Variants in SLC44A5 observed in about 807,000 individuals in gnomAD.
The protein encoded by SLC44A5 is choline transporter-like protein 5.
SLC44A5 carries 57 observed loss-of-function variants against 101.8 expected under a neutral mutation model. The ratio of observed to expected loss-of-function variants is 0.56; its 90% CI spans 0.45 to 0.70. The LOEUF is 0.70. Among genes scored for constraint, SLC44A5 ranks in the 30% least tolerant of loss-of-function variants. SLC44A5 has a pLI of 0.00. For missense variants in SLC44A5, 737 were observed against 853.1 expected (o/e 0.86, Z 1.70); for synonymous variants, 281 against 290.9 (o/e 0.97, Z 0.35).
At chr1:75,630,208 T>C in the SLC44A5 span, among the ~76,000 whole-genome samples, 3 of 152,172 alleles carry the variant, frequency 2.0e-5, no homozygotes, top group East Asian at 5.8e-4. Flanking sequence ...GGTGCCTTTG[T>C]GGGTTTCTCA....
At chr1:75,393,316 A>G (rs985359269) in intron 3 of SLC44A5, among the ~76,000 whole-genome samples, 1 of 152,208 alleles carries the variant, frequency 6.6e-6, no homozygotes, top group Non-Finnish European at 1.5e-5. Context: ...TTATTATGAA[A>G]CAAGTATTGA....
At chr1:75,226,538 T>C (rs1173618912) in intron 13 of SLC44A5, among the ~76,000 whole-genome samples, 1 of 152,110 alleles carries the variant, frequency 6.6e-6, no homozygotes, top group Non-Finnish European at 1.5e-5. Flanking sequence ...AGCTTGTCCT[T>C]GAAAGCCTGA....
intron 6 of SLC44A5, among the ~76,000 whole-genome samples, chr1:75,256,527 G>T (rs1018454470): frequency 6.6e-6 from 1 of 152,142 alleles, no homozygotes; most frequent in African/African-American, 2.4e-5. Flanking sequence ...AGTGAATACA[G>T]TTTGTAGAGT....
the SLC44A5 span, among the ~76,000 whole-genome samples, chr1:75,703,414 A>T: frequency 6.6e-6 from 1 of 152,138 alleles, no homozygotes. Flanking sequence ...ACAAGGAGAA[A>T]AAAACCAAAC....
chr1:75,642,684 CAAG>C, the SLC44A5 span, among the ~76,000 whole-genome samples: 1 of 151,762 alleles, frequency 6.6e-6, no homozygotes, highest in East Asian at 1.9e-4. Flanking sequence ...CTCAATAAAA[CAAG>C]AAGGAGAAGT....
At chr1:75,675,584 C>CTT in the SLC44A5 span, among the ~76,000 whole-genome samples, 1 of 151,872 alleles carries the variant, frequency 6.6e-6, no homozygotes, top group East Asian at 1.9e-4. Flanking sequence ...AATATAAAAT[C>CTT]AAAAACTATA....
At chr1:75,674,543 C>G in the SLC44A5 span, among the ~76,000 whole-genome samples, 1 of 152,098 alleles carries the variant, frequency 6.6e-6, no homozygotes, top group African/African-American at 2.4e-5. Flanking sequence ...CCATGCCCAG[C>G]TAATTTTTGT....
the SLC44A5 span, among the ~76,000 whole-genome samples, chr1:75,625,928 G>A: frequency 1.3e-5 from 2 of 152,124 alleles, no homozygotes; most frequent in African/African-American, 4.8e-5. Context: ...ATGGTGGCAA[G>A]AAGTTAAGAA....
upstream of SLC44A5, among the ~76,000 whole-genome samples, chr1:75,612,879 A>G (rs968957835): frequency 1.1e-4 from 16 of 152,210 alleles, no homozygotes; most frequent in African/African-American, 3.9e-4. Flanking sequence ...TAAGACTTGT[A>G]TTGATTATGA....
At chr1:75,327,840 G>C (rs79881003) in intron 4 of SLC44A5, among the ~76,000 whole-genome samples, 1 of 152,222 alleles carries the variant, frequency 6.6e-6, no homozygotes, top group African/African-American at 2.4e-5. Flanking sequence ...ATGTTAGTGC[G>C]TAAAGAGGAC....
chr1:75,635,929 T>G, the SLC44A5 span, among the ~76,000 whole-genome samples: 8 of 152,080 alleles, frequency 5.3e-5, no homozygotes, highest in Non-Finnish European at 8.8e-5. Flanking sequence ...TTAACTTGTT[T>G]AAATTTATGG....
intron 2 of SLC44A5, among the ~76,000 whole-genome samples, chr1:75,484,730 G>T (rs1668064492): frequency 6.6e-6 from 1 of 152,240 alleles, no homozygotes; most frequent in Admixed American, 6.5e-5. Context: ...GCAGACTTCT[G>T]TCTGGACATC....
chr1:75,536,732 C>T (rs1201373090), intron 2 of SLC44A5, among the ~76,000 whole-genome samples: 3 of 148,920 alleles, frequency 2.0e-5, no homozygotes, highest in Non-Finnish European at 4.5e-5. Context: ...CTAGGCCGGG[C>T]GCGGTGGCTC....
chr1:75,321,949 TC>T (rs1656183133), intron 4 of SLC44A5, among the ~76,000 whole-genome samples: 1 of 152,178 alleles, frequency 6.6e-6, no homozygotes, highest in African/African-American at 2.4e-5. Flanking sequence ...GAAATTCAAT[TC>T]CAAACTTCCC....
chr1:75,497,426 TAA>T (rs1422559372), intron 2 of SLC44A5, among the ~76,000 whole-genome samples: 1 of 152,126 alleles, frequency 6.6e-6, no homozygotes, highest in Non-Finnish European at 1.5e-5. Flanking sequence ...TTGTGGAATC[TAA>T]AAAAGTCAAA....
intron 5 of SLC44A5, among the ~76,000 whole-genome samples, chr1:75,287,239 C>T (rs1653129434): frequency 1.3e-5 from 2 of 151,728 alleles, no homozygotes; most frequent in Admixed American, 1.3e-4. Context: ...TTGAGAATTT[C>T]CAGGTATTTT....
rs192490311 is a variant in SLC44A5 at position 75,385,584 on chromosome 1, A to G, written c.52+10999T>C. On this transcript the variant is annotated intron_variant, in intron 3 of 23. Coordinates refer to ENST00000370859, the MANE Select transcript of SLC44A5 (RefSeq NM_001130058.2). Reference sequence around the variant, plus strand: ...ATAATCAATAGCTTACCGACCAAAAAGAATCCAGGACCAGATGGATTCACA... The same window carrying G: ...ATAATCAATAGCTTACCGACCAAAAGGAATCCAGGACCAGATGGATTCACA... 6.6e-3 allele frequency among the ~76,000 whole-genome samples: 1,013 copies of G among 152,344 alleles called. 8 individuals carry two copies. The highest frequency in any genetic ancestry group is 0.034 in the Middle Eastern group (10 of 294).
At chr1:75,647,025 G>A in the SLC44A5 span, among the ~76,000 whole-genome samples, 1 of 152,312 alleles carries the variant, frequency 6.6e-6, no homozygotes, top group East Asian at 1.9e-4. Flanking sequence ...AGATAATGGG[G>A]AAAATGTCTA....
chr1:75,667,254 C>T, the SLC44A5 span, among the ~76,000 whole-genome samples: 2,389 of 152,118 alleles, frequency 0.016, 70 homozygotes, highest in African/African-American at 0.053. Flanking sequence ...AAAATCAATG[C>T]GTGAAAATCA....
Sources: gnomAD v4.1 joint callset for allele counts (sites outside exome capture counted in the v4.1 genomes callset) on GRCh38, gnomAD v4.1.1 for gene constraint, MANE v1.5 for transcripts, NCBI Gene and HGNC (gene_info 2026-07-23, HGNC 2026-07-21) for gene names.